PARN: variants seen among roughly 807,000 people sequenced by gnomAD.
The protein encoded by PARN is poly(A)-specific ribonuclease, also known as poly(A)-specific ribonuclease PARN.
PARN carries 71 observed loss-of-function variants against 102.8 expected under a neutral mutation model. The ratio of observed to expected loss-of-function variants is 0.69; its 90% confidence interval spans 0.57 to 0.84. The LOEUF is 0.84. Among genes scored for constraint, PARN ranks in the 40% least tolerant of loss-of-function variants. The probability of loss-of-function intolerance (pLI) is 0.00; values close to 1 mark genes in which losing one functional copy is unlikely to be tolerated. For missense variants in PARN, 782 were observed against 760.9 expected (o/e 1.03, Z -0.33); for synonymous variants, 261 against 252.9 (o/e 1.03, Z -0.30).
intron 12 of PARN, among the ~76,000 whole-genome samples, chr16:14,595,440 A>G (rs567185224): frequency 2.0e-5 from 3 of 151,928 alleles, no homozygotes; most frequent in Non-Finnish European, 2.9e-5. Context: ...TCATGGCTCA[A>G]TGCAGCCTCA....
At chr16:14,474,720 T>C (rs1208951085) in intron 22 of PARN, among the ~76,000 whole-genome samples, 1 of 152,248 alleles carries the variant, frequency 6.6e-6, no homozygotes, top group Non-Finnish European at 1.5e-5. Flanking sequence ...GCTGGAACCC[T>C]TGGCTTCTGG....
At chr16:14,613,762 G>A (rs568285006) in intron 6 of PARN, among the ~76,000 whole-genome samples, 2 of 152,292 alleles carry the variant, frequency 1.3e-5, no homozygotes, top group East Asian at 1.9e-4. Context: ...CAAAAAAAGT[G>A]GTCCACGTTA....
intron 12 of PARN, among the ~76,000 whole-genome samples, chr16:14,597,305 AT>A (rs1311381437): frequency 3.3e-5 from 5 of 152,242 alleles, no homozygotes; most frequent in African/African-American, 4.8e-5. Context: ...TATATAGTTA[AT>A]TTAACTATAA....
rs1285183076 is a variant in PARN, at chr16:14,627,197, G to A, written c.246-10C>T. Reference sequence around the variant, plus strand: ...TGACTTCGTTATATACCTGGGATAAGATAAAAGGAGACTTAGGAGGTGACA... The same window carrying A: ...TGACTTCGTTATATACCTGGGATAAAATAAAAGGAGACTTAGGAGGTGACA... On this transcript the variant is annotated splice_polypyrimidine_tract_variant and intron_variant, in intron 4 of 23. Coordinates refer to ENST00000437198, the MANE Select transcript of PARN (RefSeq NM_002582.4). 1.3e-6 allele frequency: 2 copies of A among 1,584,844 alleles called. No homozygotes were observed. The highest frequency in any genetic ancestry group is 1.7e-6 in the Non-Finnish European group (2 of 1,157,212).
intron 6 of PARN, among the ~76,000 whole-genome samples, chr16:14,614,448 G>C (rs1267423704): frequency 6.6e-6 from 1 of 152,166 alleles, no homozygotes; most frequent in Non-Finnish European, 1.5e-5. Context: ...GGAGTGGAGA[G>C]AATTATAACA....
At chr16:14,465,216 T>G (rs941096855) in intron 22 of PARN, among the ~76,000 whole-genome samples, 1 of 152,102 alleles carries the variant, frequency 6.6e-6, no homozygotes, top group Non-Finnish European at 1.5e-5. Flanking sequence ...TACAGGCATG[T>G]GACACTAAGC....
intron 18 of PARN, among the ~76,000 whole-genome samples, chr16:14,563,260 G>A (rs1393700114): frequency 6.6e-6 from 1 of 152,232 alleles, no homozygotes; most frequent in Admixed American, 6.5e-5. Context: ...GGCAGAGGAG[G>A]AGCGTGAATC....
chr16:14,608,979 A>G, intron 8 of PARN, 79 bp downstream of exon 8: 1 of 733,146 alleles, frequency 1.4e-6, no homozygotes, highest in South Asian at 1.7e-5. Context: ...GCTGTTTTTA[A>G]AAGACTAGAT....
intron 16 of PARN, among the ~76,000 whole-genome samples, chr16:14,583,457 A>G (rs1460898293): frequency 6.6e-6 from 1 of 152,186 alleles, no homozygotes; most frequent in Non-Finnish European, 1.5e-5. Context: ...GCCTTTTAAC[A>G]TGGTAGCCAC....
In PARN at chr16:14,622,846, G is replaced by A. The variant is rs1488787918; in HGVS notation, c.327+4260C>T. ...AAGCCTGGCGCAGTGGTACGTGCTT[G>A]TAATCCCAGCACTTTGGGAAGCCAA... On this transcript the variant is annotated intron_variant, in intron 5 of 23. Transcript: ENST00000437198. Among the ~76,000 whole-genome samples the A allele has an allele frequency of 2.0e-5, 3 of 152,170 alleles. No homozygotes were observed. In the East Asian group the frequency reaches 5.8e-4, roughly 29 times the overall value.
chr16:14,578,331 CAAAAAAA>C (rs1199897215), intron 18 of PARN, among the ~76,000 whole-genome samples: 1 of 44,964 alleles, frequency 2.2e-5, no homozygotes, highest in African/African-American at 9.2e-5. Context: ...TCTGTCTCAC[CAAAAAAA>C]AAAAAAAAAA....
At chr16:14,438,801 G>A (rs549644137) in intron 23 of PARN, among the ~76,000 whole-genome samples, 23 of 152,290 alleles carry the variant, frequency 1.5e-4, no homozygotes, top group Admixed American at 7.8e-4. Context: ...TACCTGTACA[G>A]CTGCTGAGCG....
intron 22 of PARN, among the ~76,000 whole-genome samples, chr16:14,453,586 T>C (rs117081508): frequency 0.028 from 4,298 of 152,338 alleles, 83 homozygotes; most frequent in Non-Finnish European, 0.041. Flanking sequence ...AGATTCCTCG[T>C]GTCACTCTGC....
intron 14 of PARN, among the ~76,000 whole-genome samples, chr16:14,585,368 T>G (rs1026569295): frequency 6.5e-5 from 9 of 137,806 alleles, no homozygotes; most frequent in African/African-American, 8.1e-5. Flanking sequence ...TTCTCTGTTT[T>G]TTTTTTTTTT....
intron 12 of PARN, among the ~76,000 whole-genome samples, chr16:14,598,871 C>CA (rs1970695375): frequency 6.6e-6 from 1 of 152,028 alleles, no homozygotes; most frequent in African/African-American, 2.4e-5. Flanking sequence ...ATGCAAAGTT[C>CA]AGCATCTAAG....
chr16:14,578,809 ACC>A (rs1969324516), intron 18 of PARN, among the ~76,000 whole-genome samples: 1 of 152,200 alleles, frequency 6.6e-6, no homozygotes, highest in African/African-American at 2.4e-5. Flanking sequence ...CCCAAATCCC[ACC>A]TCCTATTCAA....
chr16:14,504,123 A>G (rs1189314959), intron 21 of PARN, among the ~76,000 whole-genome samples: 1 of 152,242 alleles, frequency 6.6e-6, no homozygotes, highest in Non-Finnish European at 1.5e-5. Context: ...CATCCTATGA[A>G]AACAATCTGA....
chr16:14,571,984 T>C (rs938851278), intron 18 of PARN, among the ~76,000 whole-genome samples: 3 of 152,204 alleles, frequency 2.0e-5, no homozygotes, highest in African/African-American at 7.2e-5. Context: ...CTATGGAGTG[T>C]TGTGACACTG....
At chr16:14,559,280 A>G (rs1183724579) in intron 18 of PARN, among the ~76,000 whole-genome samples, 1 of 151,452 alleles carries the variant, frequency 6.6e-6, no homozygotes, top group Non-Finnish European at 1.5e-5. Context: ...TTTTGAAAAA[A>G]TTTTTTTGAA....
Sources: allele counts gnomAD v4.1 joint callset (sites outside exome capture counted in the v4.1 genomes callset), GRCh38; gene constraint gnomAD v4.1.1; transcripts MANE v1.5; gene names NCBI Gene and HGNC (gene_info 2026-07-23, HGNC 2026-07-21).